NLGN4Y: variants seen among roughly 807,000 people sequenced by gnomAD.
The protein encoded by NLGN4Y is neuroligin 4 Y-linked, also known as neuroligin-4, Y-linked.
Under a neutral mutation model 8.4 loss-of-function variants are expected in NLGN4Y, and 4 were observed. The ratio of observed to expected loss-of-function variants is 0.48; its 90% CI spans 0.23 to 1.09. The LOEUF (loss-of-function observed/expected upper bound fraction) is 1.09, where lower values mean the gene tolerates loss of function less well. NLGN4Y is among the 50% of genes least tolerant of loss of function. The pLI is 0.19. For missense variants in NLGN4Y, 90 were observed against 192.3 expected (o/e 0.47, Z 3.15); for synonymous variants, 35 against 75.6 (o/e 0.46, Z 2.78).
intron 4 of NLGN4Y, among the ~76,000 whole-genome samples, chrY:14,796,929 A>G: frequency 3.0e-5 from 1 of 33,215 alleles, no homozygotes; most frequent in Admixed American, 2.8e-4. Flanking sequence ...TAGTCTTTCT[A>G]TATCTTTTGG....
intron 1 of NLGN4Y, among the ~76,000 whole-genome samples, chrY:14,611,104 A>G (rs2080466131): frequency 3.1e-5 from 1 of 32,668 alleles, no homozygotes; most frequent in Non-Finnish European, 7.5e-5. Context: ...TTCTGAGCCT[A>G]TGTTTTACTT....
intron 1 of NLGN4Y, among the ~76,000 whole-genome samples, chrY:14,525,105 G>T: frequency 3.0e-5 from 1 of 33,560 alleles, no homozygotes; most frequent in Non-Finnish European, 7.4e-5. Flanking sequence ...GAGCGGGAGC[G>T]GGGGCGTCAG....
intron 6 of NLGN4Y, among the ~76,000 whole-genome samples, chrY:14,832,215 C>T (rs763322313): frequency 2.6e-4 from 9 of 34,477 alleles, no homozygotes; most frequent in Admixed American, 1.8e-3. Flanking sequence ...TCAGAGGACA[C>T]GATTTTTGTT....
At chrY:14,832,232 TTTGG>T (rs2043182562) in intron 6 of NLGN4Y, among the ~76,000 whole-genome samples, 3 of 34,236 alleles carry the variant, frequency 8.8e-5, no homozygotes, top group Non-Finnish European at 1.5e-4. Flanking sequence ...TGTTTGTTTG[TTTGG>T]TTGGTTGGTT....
At chrY:14,748,901 AAAGAAAGAAAG>A (rs2081032358) in intron 4 of NLGN4Y, among the ~76,000 whole-genome samples, 1 of 8,239 alleles carries the variant, frequency 1.2e-4, no homozygotes, top group Non-Finnish European at 1.8e-4. Context: ...AAAGAAAAAA[AAAGAAAGAAAG>A]AAAGAAAGAA....
intron 1 of NLGN4Y, among the ~76,000 whole-genome samples, chrY:14,585,976 G>A: frequency 3.0e-5 from 1 of 33,327 alleles, no homozygotes; most frequent in Non-Finnish European, 7.4e-5. Context: ...CCCAGGGATG[G>A]AAGGTCTGAT....
chrY:14,615,563 A>G, intron 1 of NLGN4Y, among the ~76,000 whole-genome samples: 2 of 33,469 alleles, frequency 6.0e-5, no homozygotes, highest in African/African-American at 2.3e-4. Context: ...TTGTAAAAAA[A>G]TAGCTCTTAT....
In NLGN4Y at chrY:14,775,031, C is replaced by T. The variant is rs202032974; in HGVS notation, c.686-49157C>T. On this transcript the variant is annotated intron_variant, in intron 4 of 6. Coordinates refer to ENST00000684976, the MANE Select transcript of NLGN4Y (RefSeq NM_001365588.1). The stretch of plus-strand genomic sequence containing the variant: ...GGCTTAGGGGTTAGGGGAGGAATAG[C>T]GTCAGGAGAAATACCTATGTAGATG... Among the ~76,000 whole-genome samples, 390 of 32,178 alleles carry T rather than the reference C, an allele frequency of 0.012. No individual in the cohort carries two copies. The East Asian group carries it at 0.31, about 25-fold the overall frequency. 86.3% of individuals were successfully genotyped at this position (32,178 alleles called of 37,273 possible).
intron 2 of NLGN4Y, among the ~76,000 whole-genome samples, chrY:14,666,815 T>C: frequency 3.0e-5 from 1 of 33,066 alleles, no homozygotes; most frequent in Admixed American, 2.8e-4. Context: ...TTAAACCAGG[T>C]GTTTCAGGTT....
chrY:14,828,578 G>A, intron 5 of NLGN4Y, among the ~76,000 whole-genome samples: 1 of 33,040 alleles, frequency 3.0e-5, no homozygotes, highest in Admixed American at 2.8e-4. Context: ...TTCCAAGATG[G>A]CTTTGCTGAC....
chrY:14,669,987 T>C (rs2080704972), intron 2 of NLGN4Y, among the ~76,000 whole-genome samples: 1 of 34,612 alleles, frequency 2.9e-5, no homozygotes, highest in Non-Finnish European at 7.2e-5. Flanking sequence ...TTTCCTGCTA[T>C]TGTTAAAAAG....
intron 2 of NLGN4Y, among the ~76,000 whole-genome samples, chrY:14,677,218 C>T: frequency 5.9e-5 from 2 of 33,760 alleles, no homozygotes; most frequent in Non-Finnish European, 1.5e-4. Flanking sequence ...CATCATCTGG[C>T]TAGTCCTTCT....
At chrY:14,719,688 G>T in intron 3 of NLGN4Y, among the ~76,000 whole-genome samples, 170 bp downstream of exon 3, 1 of 31,424 alleles carries the variant, frequency 3.2e-5, no homozygotes, top group Non-Finnish European at 7.7e-5. Flanking sequence ...TTTAACCCCA[G>T]TTACCATGTA....
At chrY:14,602,131 T>A (rs764833499) in intron 1 of NLGN4Y, among the ~76,000 whole-genome samples, 10 of 33,539 alleles carry the variant, frequency 3.0e-4, no homozygotes, top group Admixed American at 5.4e-4. Flanking sequence ...CTTGGGTGTG[T>A]TGCATTGGGC....
chrY:14,731,325 G>A (rs2080971961), intron 4 of NLGN4Y, among the ~76,000 whole-genome samples: 1 of 31,944 alleles, frequency 3.1e-5, no homozygotes, highest in Non-Finnish European at 7.6e-5. Flanking sequence ...GAGCCACTAC[G>A]CCTGGCCCCA....
intron 2 of NLGN4Y, among the ~76,000 whole-genome samples, chrY:14,683,791 G>A: frequency 3.0e-5 from 1 of 33,813 alleles, no homozygotes; most frequent in Non-Finnish European, 7.4e-5. Flanking sequence ...TCATACAAAA[G>A]CTGTCTCTAT....
At chrY:14,679,329 T>C (rs2080760742) in intron 2 of NLGN4Y, among the ~76,000 whole-genome samples, 1 of 32,345 alleles carries the variant, frequency 3.1e-5, no homozygotes, top group African/African-American at 1.2e-4. Context: ...TTTTTCCAAT[T>C]AGTGTGCTTG....
Position 14,568,770 on chromosome Y carries a change from AT to A in NLGN4Y, c.-112+44070del, listed in dbSNP as rs2080260703. 1.5e-4 allele frequency among the ~76,000 whole-genome samples: 5 copies of A among 32,474 alleles called. No individual in the cohort carries two copies. In the East Asian group the frequency reaches 2.4e-3, roughly 15 times the overall value. 87.1% of individuals were successfully genotyped at this position (32,474 alleles called of 37,273 possible). On this transcript the variant is annotated intron_variant, in intron 1 of 6. Transcript: ENST00000684976. The stretch of plus-strand genomic sequence containing the variant: ...CACCCTTTCTTTTAAACATATATAT[AT>A]TTTTTTTAAATTTAAGTTAGAATTT...
intron 6 of NLGN4Y, among the ~76,000 whole-genome samples, chrY:14,831,684 A>G (rs2043180151): frequency 3.2e-5 from 1 of 31,039 alleles, no homozygotes; most frequent in South Asian, 6.9e-4. Flanking sequence ...TACTATATAT[A>G]CAAGTACAAA....
Sources: allele counts gnomAD v4.1 joint callset (sites outside exome capture counted in the v4.1 genomes callset), GRCh38; gene constraint gnomAD v4.1.1; transcripts MANE v1.5; gene names NCBI Gene and HGNC (gene_info 2026-07-23, HGNC 2026-07-21).